The following GNAI1 variants were observed in gnomAD, a reference collection of about 807,000 sequenced individuals.
GNAI1 encodes G protein subunit alpha i1.
GNAI1 carries 11 observed loss-of-function variants against 38.9 expected under a neutral mutation model. The ratio of observed to expected loss-of-function variants is 0.28; its 90% CI spans 0.18 to 0.47. GNAI1 has a LOEUF of 0.47. Among genes scored for constraint, GNAI1 ranks in the 20% least tolerant of loss-of-function variants. The probability of loss-of-function intolerance (pLI) is 0.99; values close to 1 mark genes in which losing one functional copy is unlikely to be tolerated. For missense variants in GNAI1, 317 were observed against 436.9 expected (o/e 0.73, Z 2.45); for synonymous variants, 166 against 145.1 (o/e 1.14, Z -1.04).
intron 6 of GNAI1, 85 bp from the exon 7 acceptor site, chr7:80,212,631 T>A (rs1788893825): frequency 1.3e-6 from 1 of 762,426 alleles, no homozygotes; most frequent in African/African-American, 1.8e-5. Context: ...AAACTCTGTT[T>A]TATTACAACA....
chr7:80,137,746 C>T (rs1465245580), intron 1 of GNAI1, among the ~76,000 whole-genome samples: 6 of 152,122 alleles, frequency 3.9e-5, no homozygotes, highest in Non-Finnish European at 8.8e-5. Flanking sequence ...CTTTTCCCTA[C>T]CTCTCTCCTC....
intron 1 of GNAI1, chr7:80,135,995 T>G (rs1787407785): frequency 1.0e-6 from 1 of 985,320 alleles, no homozygotes. Context: ...AAAACTGCTG[T>G]GAAAGAGCGA....
intron 4 of GNAI1, among the ~76,000 whole-genome samples, chr7:80,200,440 C>CTA (rs968479665): frequency 1.3e-5 from 2 of 151,280 alleles, no homozygotes; most frequent in African/African-American, 4.9e-5. Context: ...TCAAAATGTC[C>CTA]TATATGATAT....
chr7:80,181,075 C>T (rs2115601626), intron 1 of GNAI1, among the ~76,000 whole-genome samples: 1 of 152,126 alleles, frequency 6.6e-6, no homozygotes, highest in South Asian at 2.1e-4. Context: ...AAAAAAATCA[C>T]TGTATCTTAA....
Position 80,222,072 on chromosome 7 carries a change from G to T in GNAI1, c.*4579G>T, listed in dbSNP as rs1789089011. Among the ~76,000 whole-genome samples the T allele has an allele frequency of 6.6e-6, 1 of 151,990 alleles. No homozygotes were observed. The highest frequency in any genetic ancestry group is 1.5e-5 in the Non-Finnish European group (1 of 68,008). The stretch of plus-strand genomic sequence containing the variant: ...TTTAAACCAATTACTGTTTGCTTTG[G>T]TGTCTGTTGTGATTTCTCTTATTTA... On this transcript the variant is annotated 3_prime_UTR_variant, in exon 8 of 8. Coordinates refer to ENST00000649796, the MANE Select transcript of GNAI1 (RefSeq NM_002069.6).
chr7:80,137,317 C>T (rs11763658), intron 1 of GNAI1, among the ~76,000 whole-genome samples: 2,253 of 53,588 alleles, frequency 0.042, 69 homozygotes, highest in Middle Eastern at 0.077. Context: ...CTTTTCTTTT[C>T]TTTTTTTTTT....
chr7:80,201,363 G>T (rs1788683612), intron 4 of GNAI1, among the ~76,000 whole-genome samples: 1 of 152,118 alleles, frequency 6.6e-6, no homozygotes, highest in Non-Finnish European at 1.5e-5. Context: ...GGAACTTCCA[G>T]ACCCCCTCAG....
intron 1 of GNAI1, among the ~76,000 whole-genome samples, chr7:80,167,247 A>C (rs1475456480): frequency 2.0e-5 from 3 of 152,212 alleles, no homozygotes; most frequent in Non-Finnish European, 4.4e-5. Context: ...AAAGACAAGA[A>C]AGTTTTTCCT....
In GNAI1 at chr7:80,221,576, C is replaced by A. The variant is rs1338600267; in HGVS notation, c.*4083C>A. Among the ~76,000 whole-genome samples, 1 of 145,642 alleles carries A rather than the reference C, an allele frequency of 6.9e-6. No homozygotes were observed. Among genetic ancestry groups the A allele is most frequent in the African/African-American group, 2.5e-5 (1 of 39,280 alleles). On this transcript the variant is annotated 3_prime_UTR_variant, in exon 8 of 8. Coordinates refer to ENST00000649796, the MANE Select transcript of GNAI1 (RefSeq NM_002069.6). ...CTAATCAACTTGAGGACACTTCTGT[C>A]GTTTTAATGTAACCAATAGTATGAG... is the stretch of plus-strand genomic sequence containing the variant.
At chr7:80,190,571 C>G (rs1290156476) in intron 3 of GNAI1, among the ~76,000 whole-genome samples, 5 of 152,020 alleles carry the variant, frequency 3.3e-5, no homozygotes, top group Admixed American at 3.3e-4. Context: ...ATGTTGAAAT[C>G]TACTTGGAAA....
chr7:80,157,716 T>C (rs1277182804), intron 1 of GNAI1, among the ~76,000 whole-genome samples: 2 of 152,162 alleles, frequency 1.3e-5, no homozygotes, highest in Non-Finnish European at 2.9e-5. Flanking sequence ...TTTCTTTTTT[T>C]TATTTTTGAG....
At chr7:80,184,046 GT>G (rs1370668511) in intron 1 of GNAI1, among the ~76,000 whole-genome samples, 2 of 151,998 alleles carry the variant, frequency 1.3e-5, no homozygotes, top group African/African-American at 4.8e-5. Context: ...GCAGTTTTTC[GT>G]TAGCCACTTC....
At chr7:80,211,513 G>C (rs929654455) in intron 6 of GNAI1, among the ~76,000 whole-genome samples, 2 of 151,700 alleles carry the variant, frequency 1.3e-5, no homozygotes, top group African/African-American at 4.8e-5. Context: ...CACCTCCCAG[G>C]TTCAAGCCAG....
intron 1 of GNAI1, among the ~76,000 whole-genome samples, chr7:80,158,342 A>G (rs1052149232): frequency 6.6e-6 from 1 of 152,150 alleles, no homozygotes; most frequent in Admixed American, 6.5e-5. Context: ...GTTTCCACAT[A>G]CTTATGAAAT....
rs545550690 is a variant in GNAI1 at position 80,178,118 on chromosome 7, A to G, written c.119-10833A>G. 1.8e-4 allele frequency among the ~76,000 whole-genome samples: 28 copies of G among 152,346 alleles called. No homozygotes were observed. In the South Asian group the frequency reaches 5.8e-3, roughly 32 times the overall value. ...GGAAGAAGCTGCAGATGTGGTGGAA[A>G]TAACAAGAGAACTAGAATTAGAAGT... On this transcript the variant is annotated intron_variant, in intron 1 of 7. Coordinates refer to ENST00000649796, the MANE Select transcript of GNAI1 (RefSeq NM_002069.6).
At chr7:80,214,888 T>G (rs1473971868) in intron 7 of GNAI1, among the ~76,000 whole-genome samples, 1 of 152,172 alleles carries the variant, frequency 6.6e-6, no homozygotes, top group Non-Finnish European at 1.5e-5. Context: ...TAGGTTAAAT[T>G]TTGTGGTCAG....
chr7:80,199,134 CTTTTTT>C, intron 3 of GNAI1, 85 bp from the exon 4 acceptor site: 2 of 786,690 alleles, frequency 2.5e-6, no homozygotes. Flanking sequence ...TCGCTATTGC[CTTTTTT>C]TTTTTAACTC....
chr7:80,211,670 C>A (rs10278243), intron 6 of GNAI1, among the ~76,000 whole-genome samples: 1 of 152,158 alleles, frequency 6.6e-6, no homozygotes, highest in Non-Finnish European at 1.5e-5. Context: ...CCACCCATCT[C>A]GGCCTCCCAA....
chr7:80,163,228 A>G (rs570503876), intron 1 of GNAI1, among the ~76,000 whole-genome samples: 3 of 152,266 alleles, frequency 2.0e-5, no homozygotes, highest in African/African-American at 7.2e-5. Context: ...AGGACCCCTC[A>G]ATATTTTATT....
Sources: gnomAD v4.1 joint callset for allele counts (sites outside exome capture counted in the v4.1 genomes callset) on GRCh38, gnomAD v4.1.1 for gene constraint, MANE v1.5 for transcripts, NCBI Gene and HGNC (gene_info 2026-07-23, HGNC 2026-07-21) for gene names.